The following PTPRM variants were observed in gnomAD, a reference collection of about 807,000 sequenced individuals.
The protein encoded by PTPRM is protein tyrosine phosphatase receptor type M.
Under a neutral mutation model 186.7 loss-of-function variants are expected in PTPRM, and 47 were observed. That is an observed-to-expected ratio of 0.25 (90% confidence interval 0.20 to 0.32). PTPRM has a LOEUF of 0.32. Ranked by LOEUF, PTPRM falls within the 10% of genes least tolerant of loss-of-function variation. The pLI is 1.00. For synonymous variants in PTPRM, 668 were observed against 674.9 expected (o/e 0.99, Z 0.16); for missense variants, 1,494 against 1,865.0 (o/e 0.80, Z 3.66).
chr18:8,133,386 C>CA (rs2092560993), intron 13 of PTPRM, among the ~76,000 whole-genome samples: 1 of 152,118 alleles, frequency 6.6e-6, no homozygotes, highest in African/African-American at 2.4e-5. Context: ...GTGAGGGCCA[C>CA]AAAGATGAGT....
chr18:8,375,126 A>C (rs1232202277), intron 24 of PTPRM, among the ~76,000 whole-genome samples: 4 of 152,216 alleles, frequency 2.6e-5, no homozygotes, highest in African/African-American at 9.6e-5. Flanking sequence ...GACAGGTATA[A>C]ATTACCTTAA....
chr18:8,238,653 T>TGTG (rs1568578028), intron 14 of PTPRM, among the ~76,000 whole-genome samples: 2 of 26,320 alleles, frequency 7.6e-5, no homozygotes, highest in African/African-American at 3.6e-4. Flanking sequence ...TTTTGTGTGT[T>TGTG]TTTTTTTTTT....
At chr18:8,073,221 G>A (rs1406081394) in intron 8 of PTPRM, among the ~76,000 whole-genome samples, 3 of 152,148 alleles carry the variant, frequency 2.0e-5, no homozygotes, top group Admixed American at 1.3e-4. Context: ...TGGCTGCTCC[G>A]CCTATGGAGT....
chr18:8,271,541 A>G (rs545587615), intron 19 of PTPRM, among the ~76,000 whole-genome samples: 3 of 152,040 alleles, frequency 2.0e-5, no homozygotes, highest in Non-Finnish European at 4.4e-5. Flanking sequence ...GAGTGGAATC[A>G]CATTCTGTAT....
intron 22 of PTPRM, among the ~76,000 whole-genome samples, chr18:8,335,789 AG>A (rs1219688804): frequency 2.0e-5 from 3 of 152,158 alleles, no homozygotes; most frequent in Non-Finnish European, 4.4e-5. Context: ...TGGGAAGCTG[AG>A]GCGGGCAGAT....
At chr18:7,948,353 A>T (rs564206920) in intron 5 of PTPRM, among the ~76,000 whole-genome samples, 36 of 152,228 alleles carry the variant, frequency 2.4e-4, no homozygotes, top group African/African-American at 7.9e-4. Flanking sequence ...AGAGAACTAA[A>T]ATCTCTAACC....
intron 14 of PTPRM, among the ~76,000 whole-genome samples, chr18:8,144,155 T>G (rs1007001249): frequency 6.6e-6 from 1 of 152,120 alleles, no homozygotes; most frequent in Admixed American, 6.5e-5. Context: ...TACTTTTTAT[T>G]ATAGTGAGGA....
At chr18:8,180,870 T>A (rs949829302) in intron 14 of PTPRM, among the ~76,000 whole-genome samples, 3 of 152,136 alleles carry the variant, frequency 2.0e-5, no homozygotes, top group Non-Finnish European at 4.4e-5. Flanking sequence ...TATGACCAAT[T>A]ATTATTTTAG....
intron 19 of PTPRM, among the ~76,000 whole-genome samples, chr18:8,280,416 G>A (rs554745074): frequency 3.5e-5 from 5 of 144,150 alleles, no homozygotes; most frequent in East Asian, 2.5e-4. Flanking sequence ...GGGGTGGGGG[G>A]GGGGTCACAA....
chr18:8,360,633 A>G (rs1307869166), intron 23 of PTPRM, among the ~76,000 whole-genome samples: 3 of 152,218 alleles, frequency 2.0e-5, no homozygotes, highest in Admixed American at 6.5e-5. Flanking sequence ...AGGACTTTGT[A>G]TAAAGAAGCA....
At chr18:7,897,598 T>G (rs2049432268) in intron 3 of PTPRM, among the ~76,000 whole-genome samples, 1 of 152,230 alleles carries the variant, frequency 6.6e-6, no homozygotes, top group Non-Finnish European at 1.5e-5. Flanking sequence ...ATTTGCGTGA[T>G]TGTTTTCACC....
intron 23 of PTPRM, among the ~76,000 whole-genome samples, chr18:8,367,398 A>G (rs1041712834): frequency 7.2e-5 from 11 of 152,222 alleles, no homozygotes; most frequent in Non-Finnish European, 4.4e-5. Flanking sequence ...CCTCGCAATT[A>G]CCGCCGGGTC....
chr18:7,867,099 G>A (rs1484861659), intron 2 of PTPRM, among the ~76,000 whole-genome samples: 2 of 152,092 alleles, frequency 1.3e-5, no homozygotes, highest in Non-Finnish European at 2.9e-5. Flanking sequence ...GTCTTTGCAT[G>A]TGAGATGGGT....
At chr18:7,680,224 A>G (rs1161381438) in intron 1 of PTPRM, among the ~76,000 whole-genome samples, 1 of 152,192 alleles carries the variant, frequency 6.6e-6, no homozygotes, top group African/African-American at 2.4e-5. Context: ...TATAAATGCT[A>G]AATATTTCAA....
chr18:7,774,150 T>C lies in PTPRM; in HGVS notation c.75T>C (p.Gly25=), dbSNP rs752156618. ...ACTTTTTATTCTTTTACATTTTAGG[T>C]GGCTGCCTCTTTGATGAGCCGTATA... ...LLTAAGETFS[G]GCLFDEPYST... is the part of the protein sequence containing the mutation. Residue 25 remains glycine (G), a splice_region_variant and synonymous_variant, in exon 2 of 33, where the codon GGT becomes GGC. Transcript: ENST00000580170. 11 of 1,606,728 alleles carry C rather than the reference T, an allele frequency of 6.8e-6. No individual in the cohort carries two copies. Among genetic ancestry groups the C allele is most frequent in the Middle Eastern group, 3.3e-4 (2 of 6,034 alleles).
chr18:8,082,567 G>C (rs936418345), intron 9 of PTPRM, among the ~76,000 whole-genome samples: 1 of 141,736 alleles, frequency 7.1e-6, no homozygotes, highest in Non-Finnish European at 1.5e-5. Context: ...TTTTCATTTG[G>C]TTTCTGTGAC....
chr18:7,696,462 C>G (rs2039845906), intron 1 of PTPRM, among the ~76,000 whole-genome samples: 1 of 152,156 alleles, frequency 6.6e-6, no homozygotes. Flanking sequence ...AGATTTATCA[C>G]TTTTCTGGCA....
intron 5 of PTPRM, among the ~76,000 whole-genome samples, chr18:7,937,796 T>C (rs973105023): frequency 1.3e-5 from 2 of 152,158 alleles, no homozygotes; most frequent in Non-Finnish European, 2.9e-5. Context: ...TCATCAGCAT[T>C]GTCGTCATCA....
intron 19 of PTPRM, among the ~76,000 whole-genome samples, chr18:8,260,880 T>C (rs111433152): frequency 0.035 from 5,286 of 151,916 alleles, 305 homozygotes; most frequent in African/African-American, 0.12. Context: ...TTGTTGGGAG[T>C]TGGTTGGCAG....
Sources: allele counts gnomAD v4.1 joint callset (sites outside exome capture counted in the v4.1 genomes callset), GRCh38; gene constraint gnomAD v4.1.1; transcripts MANE v1.5; gene names NCBI Gene and HGNC (gene_info 2026-07-23, HGNC 2026-07-21).